Variants in EFCAB5 observed in about 807,000 individuals in gnomAD.
EFCAB5 encodes the protein EF-hand calcium binding domain 5.
In EFCAB5, 131 loss-of-function variants were observed where a neutral mutation model predicts 167.9. The ratio of observed to expected loss-of-function variants is 0.78; its 90% CI spans 0.68 to 0.90. EFCAB5 has a LOEUF of 0.90. Ranked by LOEUF, EFCAB5 falls within the 40% of genes least tolerant of loss-of-function variation. The pLI, the probability that EFCAB5 is intolerant of heterozygous loss-of-function variation, is 0.00. For missense variants in EFCAB5, 1,663 were observed against 1,745.2 expected (o/e 0.95, Z 0.84); for synonymous variants, 574 against 602.8 (o/e 0.95, Z 0.70).
At chr17:30,067,723 C>A (rs2070613157) in intron 14 of EFCAB5, among the ~76,000 whole-genome samples, 1 of 152,146 alleles carries the variant, frequency 6.6e-6, no homozygotes, top group South Asian at 2.1e-4. Flanking sequence ...AAGGCAACAT[C>A]ATACTAAATG....
upstream of EFCAB5, among the ~76,000 whole-genome samples, chr17:29,938,646 GA>G (rs1318832856): frequency 1.3e-5 from 2 of 152,190 alleles, no homozygotes; most frequent in African/African-American, 4.8e-5. Context: ...TCATTTCAAT[GA>G]TGTTCACAGT....
intron 4 of EFCAB5, among the ~76,000 whole-genome samples, chr17:29,986,666 T>TTTTTTTTTA (rs2068290098): frequency 6.9e-6 from 1 of 145,412 alleles, no homozygotes; most frequent in Non-Finnish European, 1.5e-5. Context: ...TTTTTTTTTT[T>TTTTTTTTTA]GAGACGGAGT....
intron 7 of EFCAB5, among the ~76,000 whole-genome samples, chr17:30,015,166 C>T (rs2069003706): frequency 6.6e-6 from 1 of 152,174 alleles, no homozygotes; most frequent in African/African-American, 2.4e-5. Context: ...GCTGAGAGAT[C>T]TGCTGTTAGT....
intron 5 of EFCAB5, among the ~76,000 whole-genome samples, 195 bp from the exon 6 acceptor site, chr17:29,996,117 A>T (rs999086302): frequency 6.6e-6 from 1 of 152,028 alleles, no homozygotes; most frequent in Non-Finnish European, 1.5e-5. Flanking sequence ...CATAATACAC[A>T]TTTTCCATGA....
At chr17:30,014,470 G>C (rs952085490) in intron 7 of EFCAB5, among the ~76,000 whole-genome samples, 14 of 152,174 alleles carry the variant, frequency 9.2e-5, no homozygotes, top group African/African-American at 3.4e-4. Flanking sequence ...CTTGCTTTAT[G>C]AATCTGGGTG....
chr17:29,967,781 A>G (rs918817420), intron 3 of EFCAB5, among the ~76,000 whole-genome samples: 4 of 152,142 alleles, frequency 2.6e-5, no homozygotes, highest in African/African-American at 9.7e-5. Flanking sequence ...TCCGTCCTGC[A>G]TTTAAAAAAT....
chr17:29,941,800 A>C lies in EFCAB5; in HGVS notation c.4A>C (p.Asn2His), dbSNP rs374043876. ...GGTGATAACTTTTGGAGTCCAAATG[A>C]ATGAGTCAGCATCTCAAGAGGAACT... The part of the protein sequence containing the change: M[N>H]ESASQEELRP... The change falls in exon 1 of 23, where the codon AAT becomes CAT. Residue 2 changes from asparagine (N) to histidine (H), a missense_variant. Physicochemically the swap from Asn to His is moderately conservative, Grantham distance 68. Coordinates refer to ENST00000394835, the MANE Select transcript of EFCAB5 (RefSeq NM_198529.4). The C allele has an allele frequency of 6.9e-6, 11 of 1,605,218 alleles. No individual in the cohort carries two copies. The highest frequency in any genetic ancestry group is 9.4e-6 in the Non-Finnish European group (11 of 1,175,226).
In EFCAB5 at chr17:30,089,849, T is replaced by C. The variant is rs764125901; in HGVS notation, c.3684-572T>C. ...TTGCCTCAAGGTGGGACAGATTCTT[T>C]GGTACAATTGACCTTTCAGAGCTCC... On this transcript the variant is annotated intron_variant, in intron 19 of 22. Transcript: ENST00000394835. Among the ~76,000 whole-genome samples, 40 of 152,324 alleles carry C rather than the reference T, an allele frequency of 2.6e-4. No homozygotes were observed. In the South Asian group the frequency reaches 2.7e-3, roughly 10 times the overall value.
chr17:30,006,802 C>A (rs772189362), intron 7 of EFCAB5, among the ~76,000 whole-genome samples: 1 of 151,986 alleles, frequency 6.6e-6, no homozygotes, highest in Non-Finnish European at 1.5e-5. Context: ...CTTTGCCTGG[C>A]ACATGCCACT....
chr17:30,072,455 G>C (rs2070764083), intron 14 of EFCAB5, among the ~76,000 whole-genome samples: 2 of 152,140 alleles, frequency 1.3e-5, no homozygotes, highest in Non-Finnish European at 2.9e-5. Flanking sequence ...AAGTACACAA[G>C]AGTTTTTTAA....
At chr17:30,082,678 C>A (rs1159507963) in intron 17 of EFCAB5, among the ~76,000 whole-genome samples, 1 of 152,162 alleles carries the variant, frequency 6.6e-6, no homozygotes. Context: ...AGGCATGAGC[C>A]ATGGCACCTG....
At chr17:29,961,416 A>C (rs987009483) in intron 3 of EFCAB5, among the ~76,000 whole-genome samples, 5 of 152,046 alleles carry the variant, frequency 3.3e-5, no homozygotes, top group Non-Finnish European at 7.4e-5. Context: ...TCATCTTTTC[A>C]CTTTTTGACA....
intron 3 of EFCAB5, among the ~76,000 whole-genome samples, chr17:29,957,524 CTGTGTCCA>C (rs2067641539): frequency 6.6e-6 from 1 of 152,134 alleles, no homozygotes; most frequent in African/African-American, 2.4e-5. Context: ...GTTCCCCTCC[CTGTGTCCA>C]TGTGTTCTCA....
At chr17:29,971,894 T>G (rs2067961691) in intron 4 of EFCAB5, among the ~76,000 whole-genome samples, 1 of 152,230 alleles carries the variant, frequency 6.6e-6, no homozygotes, top group African/African-American at 2.4e-5. Flanking sequence ...AAAGGGTTCC[T>G]TTTTCAGTAT....
chr17:30,063,974 A>G (rs1320263420), intron 14 of EFCAB5, among the ~76,000 whole-genome samples: 1 of 152,186 alleles, frequency 6.6e-6, no homozygotes, highest in South Asian at 2.1e-4. Flanking sequence ...CAATGTCGCC[A>G]TGTCCATCCC....
intron 9 of EFCAB5, among the ~76,000 whole-genome samples, chr17:30,051,656 G>A (rs140833158): frequency 5.9e-4 from 89 of 152,134 alleles, no homozygotes; most frequent in African/African-American, 1.5e-3. Context: ...TCCCAGGTGG[G>A]AGATGATTCT....
At chr17:30,062,280 A>G (rs938604359) in intron 14 of EFCAB5, among the ~76,000 whole-genome samples, 1 of 152,220 alleles carries the variant, frequency 6.6e-6, no homozygotes, top group Non-Finnish European at 1.5e-5. Context: ...GAGGAGTAGC[A>G]GAAATCCTGG....
upstream of EFCAB5, among the ~76,000 whole-genome samples, chr17:29,939,793 G>T (rs1180007342): frequency 1.3e-5 from 2 of 152,218 alleles, no homozygotes; most frequent in African/African-American, 4.8e-5. Flanking sequence ...TGGCTTAAGG[G>T]AATGTTGTAG....
At position 30,054,078 on chromosome 17, in the gene EFCAB5, A is replaced by C. The variant is rs777362255; in HGVS notation, c.2124A>C (p.Glu708Asp). The change falls in exon 10 of 23, where the codon GAA becomes GAC. Residue 708 changes from glutamate to aspartate, a missense_variant. By Grantham distance (45) the Glu-to-Asp change is conservative (BLOSUM62 2). Coordinates refer to ENST00000394835, the MANE Select transcript of EFCAB5 (RefSeq NM_198529.4). ...AGAGGTCTTGGGAACAAACATATGAAGAGGAAATATTCCTGAGTTCTGAAC... is the reference window on the plus strand; with the variant it reads ...AGAGGTCTTGGGAACAAACATATGACGAGGAAATATTCCTGAGTTCTGAAC... ...QEKRSWEQTY[E>D]EEIFLSSELQ... The C allele has an allele frequency of 3.1e-6, 5 of 1,591,012 alleles. No homozygotes were observed. Among genetic ancestry groups the C allele is most frequent in the Non-Finnish European group, 4.3e-6 (5 of 1,167,788 alleles).
Sources: gnomAD v4.1 joint callset for allele counts (sites outside exome capture counted in the v4.1 genomes callset) on GRCh38, gnomAD v4.1.1 for gene constraint, MANE v1.5 for transcripts, NCBI Gene and HGNC (gene_info 2026-07-23, HGNC 2026-07-21) for gene names.